The following DLG2 variants were observed in gnomAD, a reference collection of about 807,000 sequenced individuals.
The protein encoded by DLG2 is disks large homolog 2.
In DLG2, 45 loss-of-function variants were observed where a neutral mutation model predicts 132.5. That is an observed-to-expected ratio of 0.34 (90% CI 0.27 to 0.44). The LOEUF is 0.44. Ranked by LOEUF, DLG2 falls within the 20% of genes least tolerant of loss-of-function variation. DLG2 has a pLI of 1.00. For missense variants in DLG2, 1,045 were observed against 1,196.9 expected, an observed-to-expected ratio of 0.87 and a Z score of 1.87; for synonymous variants, 424 against 419.6, an observed-to-expected ratio of 1.01 and a Z score of -0.13.
chr11:84,599,349 G>A (rs2099570602), intron 6 of DLG2, among the ~76,000 whole-genome samples: 2 of 152,074 alleles, frequency 1.3e-5, no homozygotes, highest in Non-Finnish European at 2.9e-5. Context: ...ATCCATAAGC[G>A]GTGCTCCCTC....
intron 3 of DLG2, among the ~76,000 whole-genome samples, chr11:85,463,004 C>T (rs1015081194): frequency 1.3e-5 from 2 of 152,180 alleles, no homozygotes; most frequent in Non-Finnish European, 2.9e-5. Context: ...AGCGAGAAGG[C>T]AGCCATCTGC....
chr11:84,553,787 T>C (rs113575140), intron 6 of DLG2, among the ~76,000 whole-genome samples: 5 of 152,348 alleles, frequency 3.3e-5, no homozygotes, highest in African/African-American at 1.2e-4. Context: ...ACCATTCACA[T>C]GTTACAATAT....
chr11:84,367,761 G>A (rs941220664), intron 7 of DLG2, among the ~76,000 whole-genome samples: 3 of 152,096 alleles, frequency 2.0e-5, no homozygotes, highest in African/African-American at 7.2e-5. Context: ...AAGCTGACCA[G>A]ATGCAGCCAC....
intron 3 of DLG2, among the ~76,000 whole-genome samples, chr11:85,546,894 G>C (rs1374822788): frequency 2.3e-5 from 3 of 131,930 alleles, no homozygotes. Context: ...CAGCCTATGT[G>C]TGTCTTTGCA....
intron 6 of DLG2, among the ~76,000 whole-genome samples, chr11:85,082,836 T>C (rs1180018514): frequency 2.0e-5 from 3 of 150,706 alleles, no homozygotes; most frequent in Non-Finnish European, 4.4e-5. Context: ...ACAAGTATAA[T>C]TGGTCAAATC....
intron 6 of DLG2, among the ~76,000 whole-genome samples, chr11:84,538,555 C>A (rs1310062772): frequency 1.3e-5 from 2 of 152,106 alleles, no homozygotes; most frequent in South Asian, 4.1e-4. Context: ...GTACCTGAAC[C>A]TATATTTCTG....
intron 6 of DLG2, among the ~76,000 whole-genome samples, chr11:84,881,198 C>G (rs537318590): frequency 1.3e-5 from 2 of 152,094 alleles, no homozygotes; most frequent in African/African-American, 4.8e-5. Context: ...ATGACATTTG[C>G]AAAGCCTCCT....
chr11:84,055,033 A>G (rs2154125447), intron 11 of DLG2, among the ~76,000 whole-genome samples: 1 of 152,172 alleles, frequency 6.6e-6, no homozygotes, highest in South Asian at 2.1e-4. Flanking sequence ...CCAAACCCAG[A>G]TATTTCACAA....
At chr11:85,435,527 C>G (rs2091431909) in intron 3 of DLG2, among the ~76,000 whole-genome samples, 1 of 151,994 alleles carries the variant, frequency 6.6e-6, no homozygotes, top group Non-Finnish European at 1.5e-5. Context: ...AAGAGACAAG[C>G]AGAAAGCCAA....
intron 10 of DLG2, among the ~76,000 whole-genome samples, chr11:84,075,467 T>G (rs1432372210): frequency 2.6e-5 from 4 of 152,190 alleles, no homozygotes; most frequent in Non-Finnish European, 5.9e-5. Flanking sequence ...AATGAGTGAA[T>G]GAATAATAGT....
chr11:83,745,766 C>T (rs1048884004), intron 18 of DLG2, among the ~76,000 whole-genome samples: 10 of 151,804 alleles, frequency 6.6e-5, no homozygotes, highest in Non-Finnish European at 1.2e-4. Context: ...CATGCCACTG[C>T]ACTCCAGCCT....
At chr11:83,803,354 T>C (rs2045028304) in intron 17 of DLG2, among the ~76,000 whole-genome samples, 2 of 152,114 alleles carry the variant, frequency 1.3e-5, no homozygotes, top group African/African-American at 2.4e-5. Flanking sequence ...GGAGTCAGCA[T>C]TGGCATTAAT....
At chr11:84,655,172 T>G (rs1252919397) in intron 6 of DLG2, among the ~76,000 whole-genome samples, 1 of 152,170 alleles carries the variant, frequency 6.6e-6, no homozygotes, top group Non-Finnish European at 1.5e-5. Flanking sequence ...CCATCATCAA[T>G]AGGTTTGCAG....
chr11:85,434,303 G>A (rs1373933398), intron 3 of DLG2, among the ~76,000 whole-genome samples: 3 of 151,390 alleles, frequency 2.0e-5, no homozygotes, highest in Admixed American at 1.3e-4. Flanking sequence ...GCTAGCAGAA[G>A]AAGAGAAATA....
chr11:84,552,317 C>G (rs1291888755), intron 6 of DLG2, among the ~76,000 whole-genome samples: 2 of 152,176 alleles, frequency 1.3e-5, no homozygotes, highest in Non-Finnish European at 2.9e-5. Context: ...TTTCCTTTCT[C>G]TGCTTCTTCA....
At chr11:83,813,012 T>A (rs922383647) in intron 17 of DLG2, among the ~76,000 whole-genome samples, 3 of 152,182 alleles carry the variant, frequency 2.0e-5, no homozygotes, top group Admixed American at 6.6e-5. Context: ...GGGTGCTCTA[T>A]ACCCCTTGGC....
chr11:85,120,052 T>C (rs931389740), intron 5 of DLG2, among the ~76,000 whole-genome samples: 1 of 152,078 alleles, frequency 6.6e-6, no homozygotes, highest in Non-Finnish European at 1.5e-5. Context: ...TTGGATAGTG[T>C]TTTCTGAAAA....
chr11:83,623,008 C>T (rs906424399), intron 19 of DLG2, among the ~76,000 whole-genome samples: 3 of 152,092 alleles, frequency 2.0e-5, no homozygotes, highest in African/African-American at 4.8e-5. Flanking sequence ...TGATCTAAAG[C>T]TGTCAATGGG....
intron 6 of DLG2, among the ~76,000 whole-genome samples, chr11:84,647,427 A>C (rs1325388754): frequency 6.6e-6 from 1 of 152,240 alleles, no homozygotes; most frequent in South Asian, 2.1e-4. Flanking sequence ...GCAAGCATGC[A>C]TCAAATCCTA....
Sources: allele counts gnomAD v4.1 joint callset (sites outside exome capture counted in the v4.1 genomes callset), GRCh38; gene constraint gnomAD v4.1.1; transcripts MANE v1.5; gene names NCBI Gene and HGNC (gene_info 2026-07-23, HGNC 2026-07-21).